The following SCN7A variants were observed in gnomAD, a reference collection of about 807,000 sequenced individuals.
The protein encoded by SCN7A is sodium voltage-gated channel alpha subunit 7.
In SCN7A, 138 loss-of-function variants were observed where a neutral mutation model predicts 155.2. The ratio of observed to expected loss-of-function variants is 0.89; its 90% CI spans 0.77 to 1.02. SCN7A has a LOEUF of 1.02. Among genes scored for constraint, SCN7A ranks in the 50% least tolerant of loss-of-function variants. The pLI is 0.00. For missense variants in SCN7A, 2,058 were observed against 1,986.6 expected (o/e 1.04, Z -0.68); for synonymous variants, 693 against 649.0 (o/e 1.07, Z -1.03).
intron 25 of SCN7A, 49 bp downstream of exon 25, chr2:166,409,616 C>A (rs1701151082): frequency 3.0e-6 from 4 of 1,313,244 alleles, no homozygotes; most frequent in Non-Finnish European, 4.1e-6. Flanking sequence ...TAAGAGCTTA[C>A]TTGAATTAAT....
chr2:166,408,091 A>C (rs1010185608), intron 25 of SCN7A, among the ~76,000 whole-genome samples: 1 of 151,600 alleles, frequency 6.6e-6, no homozygotes, highest in Non-Finnish European at 1.5e-5. Context: ...TCCCCACTCC[A>C]CTTTCCTCAG....
chr2:166,479,032 T>C (rs1488286761), intron 2 of SCN7A, among the ~76,000 whole-genome samples: 2 of 152,122 alleles, frequency 1.3e-5, no homozygotes, highest in Non-Finnish European at 2.9e-5. Flanking sequence ...AAACACTCTT[T>C]GTAATTTTAT....
chr2:166,404,300 A>G lies in SCN7A; in HGVS notation c.*1280T>C, dbSNP rs1409016437. On this transcript the variant is annotated 3_prime_UTR_variant, in exon 26 of 26. Coordinates refer to ENST00000643258, the MANE Select transcript of SCN7A (RefSeq NM_002976.4). The stretch of plus-strand genomic sequence containing the variant: ...AGTCTAAGGACAACTATTTATGCCT[A>G]TCTTTAAAAAACAATTTCAATAGTG... 2 of 151,960 alleles carry G rather than the reference A, an allele frequency of 1.3e-5. No individual in the cohort carries two copies. The highest frequency in any genetic ancestry group is 2.9e-5 in the Non-Finnish European group (2 of 67,908). 9.4% of individuals were successfully genotyped at this position (151,960 alleles called of 1,614,324 possible).
intron 24 of SCN7A, 100 bp downstream of exon 24, chr2:166,410,120 G>T: frequency 8.7e-7 from 1 of 1,146,984 alleles, no homozygotes; most frequent in Non-Finnish European, 1.2e-6. Context: ...CTTTGTCAAG[G>T]GACACAAAAA....
At position 166,443,676 on chromosome 2, in the gene SCN7A, C is replaced by T. The variant is rs1702005743; in HGVS notation, c.1627G>A (p.Val543Ile). The T allele has an allele frequency of 6.5e-7, 1 of 1,536,022 alleles. No homozygotes were observed. Residue 543 changes from valine to isoleucine, a missense_variant and splice_region_variant, in exon 14 of 26, where the codon GTT becomes ATT. Physicochemically the swap from Val to Ile is conservative, Grantham distance 29 (BLOSUM62 3). Coordinates refer to ENST00000643258, the MANE Select transcript of SCN7A (RefSeq NM_002976.4). ...TNTLLNIGNL[V>I]FIGIFTAEMI... ...TCTGCTGTGAAAATTCCAATGAAAA[C>T]CTAAATCAAAACCAAATACATAGGT...
intron 11 of SCN7A, among the ~76,000 whole-genome samples, chr2:166,451,160 G>A (rs922732678): frequency 6.6e-6 from 1 of 152,112 alleles, no homozygotes; most frequent in Non-Finnish European, 1.5e-5. Context: ...GGGGAATGGG[G>A]AATAAAGTAC....
intron 14 of SCN7A, 139 bp from the exon 15 acceptor site, chr2:166,441,891 T>C (rs886579326): frequency 3.2e-6 from 2 of 632,954 alleles, no homozygotes; most frequent in African/African-American, 3.7e-5. Flanking sequence ...TGAACATTCA[T>C]TTTGTGACAA....
intron 12 of SCN7A, among the ~76,000 whole-genome samples, 166 bp downstream of exon 12, chr2:166,447,446 C>G (rs16852137): frequency 0.013 from 1,947 of 152,202 alleles, 48 homozygotes; most frequent in African/African-American, 0.044. Context: ...GTTTAAAACA[C>G]CATGATTCTA....
At chr2:166,488,661 G>A (rs910148439) in intron 1 of SCN7A, among the ~76,000 whole-genome samples, 4 of 149,066 alleles carry the variant, frequency 2.7e-5, no homozygotes, top group African/African-American at 9.9e-5. Flanking sequence ...TTTTTGAGAC[G>A]GAGTCTCACT....
At chr2:166,429,953 T>C (rs1466049728) in intron 16 of SCN7A, among the ~76,000 whole-genome samples, 1 of 152,100 alleles carries the variant, frequency 6.6e-6, no homozygotes, top group African/African-American at 2.4e-5. Flanking sequence ...CTAATGATAC[T>C]CTTTGCCTTT....
At position 166,410,321 on chromosome 2, in the gene SCN7A, C is replaced by A; in HGVS notation, c.3610G>T (p.Gly1204Ter). The A allele has an allele frequency of 6.5e-7, 1 of 1,533,752 alleles. No homozygotes were observed. Among genetic ancestry groups the A allele is most frequent in the Non-Finnish European group, 8.8e-7 (1 of 1,139,806 alleles). The change falls in exon 24 of 26, where the codon GGA becomes TGA. Residue 1204 changes from glycine (G) to a stop codon, truncating the protein, a stop_gained. Coordinates refer to ENST00000643258, the MANE Select transcript of SCN7A (RefSeq NM_002976.4). LOFTEE classifies it high-confidence loss of function. ...DNFNKHKIKL[G>*]GSNIFITVKQ... ...ACCGTTATAAAGATATTTGAGCCTC[C>A]CAGGTAAAGAAAGGAAAGAAAAATA...
intron 21 of SCN7A, among the ~76,000 whole-genome samples, chr2:166,415,835 C>T (rs1402646157): frequency 6.6e-6 from 1 of 151,950 alleles, no homozygotes; most frequent in Non-Finnish European, 1.5e-5. Flanking sequence ...TGAAAAAGAA[C>T]AGAATAACTG....
intron 11 of SCN7A, among the ~76,000 whole-genome samples, chr2:166,449,066 C>T (rs1702124548): frequency 6.6e-6 from 1 of 152,138 alleles, no homozygotes; most frequent in Non-Finnish European, 1.5e-5. Context: ...AGATCTTCTG[C>T]TTTACTGATT....
Position 166,484,052 on chromosome 2 carries a change from A to G in SCN7A, c.-15+2804T>C, listed in dbSNP as rs555400522. 1.3e-4 allele frequency among the ~76,000 whole-genome samples: 20 copies of G among 152,154 alleles called. No homozygotes were observed. The East Asian group carries it at 3.7e-3, about 28-fold the overall frequency. On this transcript the variant is annotated intron_variant, in intron 2 of 25. Coordinates refer to ENST00000643258, the MANE Select transcript of SCN7A (RefSeq NM_002976.4). Reference sequence around the variant, plus strand: ...GATTTAAAAATAGAAACAAGTGTTAACTGGGAAATAATGTGTCTCTTGATA... The same window carrying G: ...GATTTAAAAATAGAAACAAGTGTTAGCTGGGAAATAATGTGTCTCTTGATA...
chr2:166,486,337 T>C (rs1703048106), intron 2 of SCN7A, among the ~76,000 whole-genome samples: 1 of 152,128 alleles, frequency 6.6e-6, no homozygotes, highest in Non-Finnish European at 1.5e-5. Flanking sequence ...ATAAGGTCAC[T>C]CATAAACCCC....
intron 2 of SCN7A, among the ~76,000 whole-genome samples, chr2:166,479,017 C>T (rs1702862624): frequency 6.6e-6 from 1 of 151,934 alleles, no homozygotes; most frequent in Non-Finnish European, 1.5e-5. Context: ...TTTATTTGTT[C>T]ATCTAAACAC....
intron 17 of SCN7A, 108 bp from the exon 18 acceptor site, chr2:166,428,050 A>T: frequency 2.7e-6 from 3 of 1,118,152 alleles, no homozygotes; most frequent in Non-Finnish European, 2.5e-6. Context: ...ACAAATTCTA[A>T]TCCAGGTTGT....
rs552854537 is a variant in SCN7A at position 166,494,220 on chromosome 2, A to AC, written c.-381dup. The AC allele has an allele frequency of 6.6e-6, 1 of 150,734 alleles. No homozygotes were observed. The highest frequency in any genetic ancestry group is 1.5e-5 in the Non-Finnish European group (1 of 67,854). 9.3% of individuals were successfully genotyped at this position (150,734 alleles called of 1,614,324 possible). ...CGACTCTCCAGCCACTGACCCAGAG[A>AC]CCCCTCCTACCCAGATGTCCAGTGG... On this transcript the variant is annotated 5_prime_UTR_variant, in exon 1 of 26. Coordinates refer to ENST00000643258, the MANE Select transcript of SCN7A (RefSeq NM_002976.4).
chr2:166,475,119 T>TATATATATATACAC lies in SCN7A; in HGVS notation c.235-776_235-775insGTGTATATATATAT, dbSNP rs763878028. Among the ~76,000 whole-genome samples, 132 of 130,150 alleles carry TATATATATATACAC rather than the reference T, an allele frequency of 1.0e-3. 1 individual carries two copies. Among genetic ancestry groups the TATATATATATACAC allele is most frequent in the African/African-American group, 3.6e-3 (126 of 35,268 alleles). The allele number at this position is 130,150 out of a possible 152,430, so 85.4% of individuals were successfully genotyped here. On this transcript the variant is annotated intron_variant, in intron 3 of 25. Coordinates refer to ENST00000643258, the MANE Select transcript of SCN7A (RefSeq NM_002976.4). ...ACATATATATGTATATATATATATA[T>TATATATATATACAC]ACATATATATATATATATACACACA...
Sources: allele counts gnomAD v4.1 joint callset (sites outside exome capture counted in the v4.1 genomes callset), GRCh38; gene constraint gnomAD v4.1.1; transcripts MANE v1.5; gene names NCBI Gene and HGNC (gene_info 2026-07-23, HGNC 2026-07-21).